GLUL: variants seen among roughly 807,000 people sequenced by gnomAD.
GLUL encodes glutamate-ammonia ligase.
In GLUL, 8 loss-of-function variants were observed where a neutral mutation model predicts 36.9. The observed-to-expected ratio is 0.22, with a 90% CI of 0.13 to 0.39. The LOEUF is 0.39. Ranked by LOEUF, GLUL falls within the 10% of genes least tolerant of loss-of-function variation. GLUL has a pLI of 1.00. For missense variants in GLUL, 315 were observed against 501.8 expected (o/e 0.63, Z 3.56); for synonymous variants, 182 against 172.8 (o/e 1.05, Z -0.42).
intron 2 of GLUL, 89 bp from the exon 3 acceptor site, chr1:182,387,381 A>G: frequency 1.1e-6 from 1 of 885,026 alleles, no homozygotes; most frequent in Middle Eastern, 2.1e-4. Context: ...TCACCTTCCC[A>G]TCTCTAAATA....
At chr1:182,390,902 T>C in intron 1 of GLUL, 2 of 398,608 alleles carry the variant, frequency 5.0e-6, no homozygotes, top group East Asian at 7.1e-5. Flanking sequence ...AGCAGCCCCT[T>C]CCCACTGAAA....
chr1:182,387,359 C>T (rs910198515), intron 2 of GLUL, 67 bp from the exon 3 acceptor site: 2 of 1,150,534 alleles, frequency 1.7e-6, no homozygotes, highest in East Asian at 2.3e-5. Context: ...GCAAATACAG[C>T]CAGCCCTTCA....
chr1:182,391,208 C>T (rs767725498), intron 1 of GLUL: 7 of 398,526 alleles, frequency 1.8e-5, no homozygotes, highest in Non-Finnish European at 3.1e-5. Flanking sequence ...TCTCAACCAT[C>T]GCCAGAACCA....
Position 182,379,951 on chromosome 1 carries a change from TCTC to T in GLUL, c.*4451_*4453del, listed in dbSNP as rs574699562. 1.3e-5 allele frequency among the ~76,000 whole-genome samples: 2 copies of T among 151,046 alleles called. No individual in the cohort carries two copies. The highest frequency in any genetic ancestry group is 2.1e-4 in the South Asian group (1 of 4,740). ...CCTCCGCCTTCCAGGTTCAAGCAATTCTCCTGTCTCAGTCTCCCAAGCAGCTGG... is the reference window on the plus strand; with the variant it reads ...CCTCCGCCTTCCAGGTTCAAGCAATTCTGTCTCAGTCTCCCAAGCAGCTGG... On this transcript the variant is annotated 3_prime_UTR_variant, in exon 7 of 7. Coordinates refer to ENST00000331872, the MANE Select transcript of GLUL (RefSeq NM_001033044.4).
Position 182,385,363 on chromosome 1 carries a change from C to T in GLUL, c.797G>A (p.Gly266Asp). ...FSTKAMREEN[G>D]LKYIEEAIEK... Reference sequence around the variant, plus strand: ...CCCAGCAGAAGGTACTCACTTCAGACCATTCTCCTCCCGCATGGCCTTGGT... The same window carrying T: ...CCCAGCAGAAGGTACTCACTTCAGATCATTCTCCTCCCGCATGGCCTTGGT... Residue 266 changes from glycine (G) to aspartate (D), a missense_variant, in exon 6 of 7, where the codon GGT (glycine) becomes GAT (aspartate). Around this residue, in one of 3 missense-constraint regions of GLUL, gnomAD observed 256 missense variants for 396.1 expected, o/e 0.65. Coordinates refer to ENST00000331872, the MANE Select transcript of GLUL (RefSeq NM_001033044.4). 6.2e-7 allele frequency: 1 copy of T among 1,611,730 alleles called. No individual in the cohort carries two copies. Among genetic ancestry groups the T allele is most frequent in the Non-Finnish European group, 8.5e-7 (1 of 1,177,818 alleles).
intron 3 of GLUL, 84 bp downstream of exon 3, chr1:182,387,047 A>G (rs1650213024): frequency 3.7e-6 from 4 of 1,079,070 alleles, no homozygotes; most frequent in Middle Eastern, 2.8e-4. Context: ...AGTCTTCCCA[A>G]TGCTGATTTC....
At position 182,378,864 on chromosome 1, in the gene GLUL, G is replaced by A. The variant is rs965674344; in HGVS notation, c.*5541C>T. ...GCAAGCTTGGCTCACTGCAACCTCC[G>A]GCTCTTGGGCTCAAGCGATTCTCCT... On this transcript the variant is annotated 3_prime_UTR_variant, in exon 7 of 7. Coordinates refer to ENST00000331872, the MANE Select transcript of GLUL (RefSeq NM_001033044.4). 2.0e-5 allele frequency among the ~76,000 whole-genome samples: 3 copies of A among 152,048 alleles called. No homozygotes were observed. The highest frequency in any genetic ancestry group is 1.9e-4 in the East Asian group (1 of 5,190).
chr1:182,386,888 G>A, intron 3 of GLUL: 1 of 570,330 alleles, frequency 1.8e-6, no homozygotes, highest in Non-Finnish European at 3.1e-6. Flanking sequence ...GGGACTCCAA[G>A]ACCGGCAAAC....
Position 182,378,529 on chromosome 1 carries a change from T to C in GLUL, c.*5876A>G, listed in dbSNP as rs1649812997. Among the ~76,000 whole-genome samples the C allele has an allele frequency of 6.6e-6, 1 of 152,212 alleles. No homozygotes were observed. The highest frequency in any genetic ancestry group is 1.5e-5 in the Non-Finnish European group (1 of 68,044). ...GAACTTTAAGAACAATTATACCTTC[T>C]ACATCTTACCACTCCCCATTCCTAG... is the stretch of plus-strand genomic sequence containing the variant. On this transcript the variant is annotated 3_prime_UTR_variant, in exon 7 of 7. Coordinates refer to ENST00000331872, the MANE Select transcript of GLUL (RefSeq NM_001033044.4).
intron 6 of GLUL, chr1:182,385,152 A>T: frequency 5.3e-6 from 3 of 561,578 alleles, no homozygotes; most frequent in Non-Finnish European, 9.5e-6. Flanking sequence ...ATTATTTGGT[A>T]TTTTTCAAAT....
chr1:182,384,435 G>A lies in GLUL; in HGVS notation c.1092C>T (p.Thr364=), dbSNP rs778907542. Residue 364 remains threonine (T), a synonymous_variant, in exon 7 of 7, where the codon ACC becomes ACT. Coordinates refer to ENST00000331872, the MANE Select transcript of GLUL (RefSeq NM_001033044.4). ...TTTTGTACTGGAAGGGCTCATCGCC[G>A]GTTTCATTGAGAAGACACGTGCGGA... ...ALIRTCLLNE[T]GDEPFQYKN 7.4e-6 allele frequency: 12 copies of A among 1,613,606 alleles called. No homozygotes were observed. The highest frequency in any genetic ancestry group is 1.7e-4 in the Middle Eastern group (1 of 6,054).
intron 2 of GLUL, 58 bp from the exon 3 acceptor site, chr1:182,387,350 C>T: frequency 8.2e-7 from 1 of 1,225,936 alleles, no homozygotes; most frequent in Non-Finnish European, 1.2e-6. Flanking sequence ...CCAAGCAATG[C>T]AAATACAGCC....
intron 3 of GLUL, chr1:182,386,819 A>T (rs922514077): frequency 4.2e-6 from 2 of 481,198 alleles, no homozygotes; most frequent in Admixed American, 6.7e-5. Context: ...TTTGAGAAAC[A>T]TTTGTCCATT....
At position 182,383,064 on chromosome 1, in the gene GLUL, T is replaced by C. The variant is rs1471310356; in HGVS notation, c.*1341A>G. ...AACACAAGAACCAGAAAATGGTAGA[T>C]GAAATGAAGGAATAAAGGTGGGGTT... On this transcript the variant is annotated 3_prime_UTR_variant, in exon 7 of 7. Transcript: ENST00000331872. 6.6e-6 allele frequency: 1 copy of C among 152,012 alleles called. No homozygotes were observed. Among genetic ancestry groups the C allele is most frequent in the Non-Finnish European group, 1.5e-5 (1 of 67,998 alleles). 9.4% of individuals were successfully genotyped at this position (152,012 alleles called of 1,614,324 possible).
intron 1 of GLUL, chr1:182,390,516 G>C (rs1429125354): frequency 5.0e-6 from 2 of 399,060 alleles, no homozygotes; most frequent in Non-Finnish European, 8.8e-6. Flanking sequence ...AGAAAGTCAA[G>C]CGTATCGTTA....
chr1:182,386,515 G>A (rs1438968506), intron 3 of GLUL, 113 bp from the exon 4 acceptor site: 1 of 865,180 alleles, frequency 1.2e-6, no homozygotes, highest in Non-Finnish European at 2.0e-6. Flanking sequence ...TGTGCACTAT[G>A]GTATGAACTG....
Position 182,385,875 on chromosome 1 carries a change from C to G in GLUL, c.488G>C (p.Cys163Ser). 3 of 1,613,824 alleles carry G rather than the reference C, an allele frequency of 1.9e-6. No individual in the cohort carries two copies. The highest frequency in any genetic ancestry group is 2.5e-6 in the Non-Finnish European group (3 of 1,179,690). Reference protein sequence around the residue: ...GFPGPQGPYYCGVGADRAYGR... With the variant: ...GFPGPQGPYYSGVGADRAYGR... The stretch of plus-strand genomic sequence containing the variant: ...ATAGGCTCTGTCTGCTCCCACACCA[C>G]AGTAATATGGACCTACAGAAGCATC... The change falls in exon 5 of 7, where the codon TGT becomes TCT. Residue 163 changes from cysteine (C) to serine (S), a missense_variant. This residue lies in a region of GLUL where 256 missense variants were observed against 396.1 expected (regional missense o/e 0.65). Coordinates refer to ENST00000331872, the MANE Select transcript of GLUL (RefSeq NM_001033044.4).
chr1:182,382,180 A>C lies in GLUL; in HGVS notation c.*2225T>G, dbSNP rs1649956389. 6.6e-6 allele frequency: 1 copy of C among 152,160 alleles called. No individual in the cohort carries two copies. Among genetic ancestry groups the C allele is most frequent in the Non-Finnish European group, 1.5e-5 (1 of 68,034 alleles). 9.4% of individuals were successfully genotyped at this position (152,160 alleles called of 1,614,324 possible). A position where few individuals can be genotyped will look rare whatever the true frequency, so the allele number is the denominator to read the frequency against. Reference sequence around the variant, plus strand: ...AATGCTATTAATAATATTGCACTCCAATGTGTCCAATAATTGCTTTTTGCT... The same window carrying C: ...AATGCTATTAATAATATTGCACTCCCATGTGTCCAATAATTGCTTTTTGCT... On this transcript the variant is annotated 3_prime_UTR_variant, in exon 7 of 7. Coordinates refer to ENST00000331872, the MANE Select transcript of GLUL (RefSeq NM_001033044.4).
At chr1:182,385,969 T>C in intron 4 of GLUL, 82 bp from the exon 5 acceptor site, 2 of 1,398,290 alleles carry the variant, frequency 1.4e-6, no homozygotes, top group Non-Finnish European at 2.0e-6. Context: ...CCCTTAAGCC[T>C]TGCCCTCTTG....
Sources: gnomAD v4.1 joint callset for allele counts (sites outside exome capture counted in the v4.1 genomes callset) on GRCh38, gnomAD v4.1.1 for gene constraint, gnomAD v4.1.1 regional missense constraint, MANE v1.5 for transcripts, NCBI Gene and HGNC (gene_info 2026-07-23, HGNC 2026-07-21) for gene names.